The following G3BP1 variants were observed in gnomAD, a reference collection of about 807,000 sequenced individuals.
G3BP1 encodes the protein G3BP stress granule assembly factor 1, also known as ras GTPase-activating protein-binding protein 1.
In G3BP1, 35 loss-of-function variants were observed where a neutral mutation model predicts 58.6. That is an observed-to-expected ratio of 0.60 (90% confidence interval 0.46 to 0.79). The LOEUF (loss-of-function observed/expected upper bound fraction) is 0.79, where lower values mean the gene tolerates loss of function less well. G3BP1 is among the 30% of genes least tolerant of loss of function. The probability of loss-of-function intolerance (pLI) is 0.00; values close to 1 mark genes in which losing one functional copy is unlikely to be tolerated. For synonymous variants in G3BP1, 191 were observed against 195.4 expected (o/e 0.98, Z 0.19); for missense variants, 523 against 580.8 (o/e 0.90, Z 1.02).
chr5:151,776,930 T>A (rs1762381889), intron 1 of G3BP1, among the ~76,000 whole-genome samples: 1 of 151,736 alleles, frequency 6.6e-6, no homozygotes, highest in Non-Finnish European at 1.5e-5. Flanking sequence ...TTTGTCCTTT[T>A]GACACTTCCC....
intron 11 of G3BP1, 140 bp from the exon 12 acceptor site, chr5:151,803,745 C>G (rs973340024): frequency 1.7e-6 from 1 of 578,904 alleles, no homozygotes; most frequent in African/African-American, 1.9e-5. Context: ...CCACCCGTCT[C>G]GGCCTCCCAA....
chr5:151,785,588 T>A (rs1762542834), intron 1 of G3BP1, among the ~76,000 whole-genome samples: 1 of 152,246 alleles, frequency 6.6e-6, no homozygotes, highest in African/African-American at 2.4e-5. Flanking sequence ...GCAGGTTTTT[T>A]ATTCAGAAAG....
chr5:151,777,303 T>G (rs1404665222), intron 1 of G3BP1, among the ~76,000 whole-genome samples: 2 of 152,222 alleles, frequency 1.3e-5, no homozygotes. Context: ...ATTTAATATA[T>G]TCTCAAGTTA....
At position 151,812,675 on chromosome 5, in the gene G3BP1, A is replaced by G. The variant is rs1429641676; in HGVS notation, c.*8584A>G. ...AGTTAGTCAATGAATCCTGAGTCAA[A>G]ATGAAAGGTTGCTAAATCTAAGATC... On this transcript the variant is annotated 3_prime_UTR_variant, in exon 12 of 12. Transcript: ENST00000356245. 6.6e-6 allele frequency: 1 copy of G among 152,246 alleles called. No homozygotes were observed. The highest frequency in any genetic ancestry group is 1.5e-5 in the Non-Finnish European group (1 of 68,044). 9.4% of individuals were successfully genotyped at this position (152,246 alleles called of 1,614,324 possible).
chr5:151,799,151 G>A (rs1189476685), intron 7 of G3BP1, 61 bp from the exon 8 acceptor site: 5 of 838,680 alleles, frequency 6.0e-6, no homozygotes, highest in Non-Finnish European at 1.1e-5. Flanking sequence ...TCAAGAGTTA[G>A]TAGCTTTTAT....
intron 7 of G3BP1, among the ~76,000 whole-genome samples, chr5:151,798,563 A>G (rs1320829144): frequency 1.3e-5 from 2 of 152,240 alleles, no homozygotes; most frequent in African/African-American, 2.4e-5. Context: ...CAATTGATGT[A>G]ATTGAGTCGA....
intron 7 of G3BP1, 83 bp from the exon 8 acceptor site, chr5:151,799,129 C>G: frequency 1.3e-6 from 1 of 753,116 alleles, no homozygotes; most frequent in Admixed American, 1.8e-5. Flanking sequence ...ACCGTTTGTT[C>G]TGTACAGGAA....
chr5:151,778,043 C>A (rs751691311), intron 1 of G3BP1, among the ~76,000 whole-genome samples: 1 of 152,154 alleles, frequency 6.6e-6, no homozygotes, highest in Non-Finnish European at 1.5e-5. Context: ...TTGACTGTTA[C>A]AAATAAAGCT....
At chr5:151,779,164 A>C (rs1762425383) in intron 1 of G3BP1, among the ~76,000 whole-genome samples, 1 of 151,940 alleles carries the variant, frequency 6.6e-6, no homozygotes, top group Non-Finnish European at 1.5e-5. Flanking sequence ...TGCAGGGCAG[A>C]TGGTTTTAAT....
At chr5:151,775,848 A>C in intron 1 of G3BP1, among the ~76,000 whole-genome samples, 1 of 152,226 alleles carries the variant, frequency 6.6e-6, no homozygotes, top group East Asian at 1.9e-4. Flanking sequence ...TGATTCCTGA[A>C]GTTTTTTTTC....
At chr5:151,772,193 CGGACGG>C (rs1762277080) in intron 1 of G3BP1, 157 bp downstream of exon 1, 1 of 149,430 alleles carries the variant, frequency 6.7e-6, no homozygotes, top group Non-Finnish European at 1.5e-5. Flanking sequence ...GCGCGGCGGA[CGGACGG>C]GCGCGCGGCG....
At chr5:151,794,616 A>G (rs571026701) in intron 5 of G3BP1, among the ~76,000 whole-genome samples, 12 of 152,232 alleles carry the variant, frequency 7.9e-5, no homozygotes, top group Admixed American at 6.5e-4. Context: ...ACCCAGATCT[A>G]TTACAACAGG....
In G3BP1 at chr5:151,807,916, CTACT is replaced by C. The variant is rs1205396777; in HGVS notation, c.*3828_*3831del. On this transcript the variant is annotated 3_prime_UTR_variant, in exon 12 of 12. Coordinates refer to ENST00000356245, the MANE Select transcript of G3BP1 (RefSeq NM_005754.3). ...TTTATATTGCAGTTTTCTTTTTGTG[CTACT>C]TAAAGGAATCTTTGCAATGCTGCAT... 3 of 152,080 alleles carry C rather than the reference CTACT, an allele frequency of 2.0e-5. No homozygotes were observed. Among genetic ancestry groups the C allele is most frequent in the African/African-American group, 4.8e-5 (2 of 41,406 alleles). 9.4% of individuals were successfully genotyped at this position (152,080 alleles called of 1,614,324 possible). A position where few individuals can be genotyped will look rare whatever the true frequency, so the allele number is the denominator to read the frequency against.
Position 151,786,590 on chromosome 5 carries a change from C to CT in G3BP1, c.-27dup. 2 of 1,418,084 alleles carry CT rather than the reference C, an allele frequency of 1.4e-6. No individual in the cohort carries two copies. Among genetic ancestry groups the CT allele is most frequent in the South Asian group, 1.1e-5 (1 of 87,036 alleles). The allele number at this position is 1,418,084 out of a possible 1,614,324, so 87.8% of individuals were successfully genotyped here. A position where few individuals can be genotyped will look rare whatever the true frequency, so the allele number is the denominator to read the frequency against. ...CCTTCAGGTTTGGACATATTTGACT[C>CT]TTTTCCCCCCAGGTTGAATTGACCA... On this transcript the variant is annotated 5_prime_UTR_variant, in exon 2 of 12. Coordinates refer to ENST00000356245, the MANE Select transcript of G3BP1 (RefSeq NM_005754.3).
At chr5:151,789,614 C>T (rs1256940693) in intron 2 of G3BP1, among the ~76,000 whole-genome samples, 1 of 152,202 alleles carries the variant, frequency 6.6e-6, no homozygotes, top group Non-Finnish European at 1.5e-5. Flanking sequence ...AGGGGAACCG[C>T]TCACGCTTAT....
chr5:151,796,712 A>G (rs778252913), intron 6 of G3BP1, among the ~76,000 whole-genome samples: 1 of 151,942 alleles, frequency 6.6e-6, no homozygotes, highest in Non-Finnish European at 1.5e-5. Flanking sequence ...AAAATTTGCC[A>G]TCTTAACCTT....
intron 2 of G3BP1, chr5:151,787,017 A>AT (rs1184904343): frequency 0.038 from 4,425 of 116,454 alleles, 102 homozygotes; most frequent in African/African-American, 0.086. Flanking sequence ...TAATTTTTGT[A>AT]TTTTTTTTTT....
chr5:151,783,221 G>C (rs1029117915), intron 1 of G3BP1, among the ~76,000 whole-genome samples: 8 of 152,086 alleles, frequency 5.3e-5, no homozygotes, highest in African/African-American at 9.7e-5. Flanking sequence ...AGAATTGAGA[G>C]AGTGAGAATT....
In G3BP1 at chr5:151,794,235, C is replaced by T; in HGVS notation, c.428C>T (p.Thr143Ile). ...YQDEVFGGFV[T>I]EPQEESEEEV... ...GATGAGGTCTTTGGTGGGTTTGTCA[C>T]TGAGCCTCAGGAGGGTAAGTAGTGA... is the stretch of plus-strand genomic sequence containing the variant. Residue 143 changes from threonine (T) to isoleucine (I), a missense_variant, in exon 5 of 12, where the codon ACT becomes ATT. Around this residue, in one of 2 missense-constraint regions of G3BP1, gnomAD observed 398 missense variants for 399.1 expected, o/e 1.00. Transcript: ENST00000356245. The T allele has an allele frequency of 1.3e-6, 2 of 1,598,450 alleles. No homozygotes were observed. The highest frequency in any genetic ancestry group is 1.7e-6 in the Non-Finnish European group (2 of 1,165,820).
Sources: allele counts gnomAD v4.1 joint callset (sites outside exome capture counted in the v4.1 genomes callset), GRCh38; gene constraint gnomAD v4.1.1; regional missense constraint gnomAD v4.1.1; transcripts MANE v1.5; gene names NCBI Gene and HGNC (gene_info 2026-07-23, HGNC 2026-07-21).